Variants in MPPED2 observed in about 807,000 individuals in gnomAD.
MPPED2 encodes metallophosphoesterase MPPED2.
Under a neutral mutation model 33.0 loss-of-function variants are expected in MPPED2, and 5 were observed. The ratio of observed to expected loss-of-function variants is 0.15; its 90% CI spans 0.08 to 0.32. MPPED2 has a LOEUF of 0.32. Ranked by LOEUF, MPPED2 falls within the 10% of genes least tolerant of loss-of-function variation. The pLI, the probability that MPPED2 is intolerant of heterozygous loss-of-function variation, is 1.00. For missense variants in MPPED2, 275 were observed against 372.1 expected (o/e 0.74, Z 2.15); for synonymous variants, 136 against 141.9 (o/e 0.96, Z 0.29).
At chr11:30,404,862 C>T (rs1407583090) in intron 6 of MPPED2, among the ~76,000 whole-genome samples, 4 of 152,120 alleles carry the variant, frequency 2.6e-5, no homozygotes, top group Admixed American at 6.5e-5. Context: ...CTATTTTTCT[C>T]GCATACCTAG....
downstream of MPPED2, among the ~76,000 whole-genome samples, chr11:30,409,217 C>G (rs535739688): frequency 6.6e-6 from 1 of 152,168 alleles, no homozygotes; most frequent in Non-Finnish European, 1.5e-5. Context: ...GCTTCTAGTA[C>G]ACTAACCAGG....
intron 4 of MPPED2, chr11:30,451,633 T>G (rs913503050): frequency 2.2e-6 from 2 of 895,182 alleles, no homozygotes; most frequent in African/African-American, 3.6e-5. Context: ...GTTATTTTAA[T>G]GATAAAAGAA....
rs763252209 is a variant in MPPED2 at position 30,580,383 on chromosome 11, C to G, written c.-10G>C. 6.2e-7 allele frequency: 1 copy of G among 1,613,850 alleles called. No homozygotes were observed. Among genetic ancestry groups the G allele is most frequent in the Non-Finnish European group, 8.5e-7 (1 of 1,179,932 alleles). On this transcript the variant is annotated 5_prime_UTR_variant, in exon 2 of 7. Coordinates refer to ENST00000358117, the MANE Select transcript of MPPED2 (RefSeq NM_001584.3). ...GAATCCCATGTGCCATCCTTCCTCC[C>G]TATAGGCATGAGCAATTCACAACTT...
At chr11:30,548,556 C>T (rs567846033) in intron 2 of MPPED2, among the ~76,000 whole-genome samples, 7 of 152,210 alleles carry the variant, frequency 4.6e-5, no homozygotes, top group South Asian at 2.1e-4. Flanking sequence ...CAGTGCATAT[C>T]GAATGCTCAG....
chr11:30,585,417 C>G (rs1303644487), intron 1 of MPPED2, among the ~76,000 whole-genome samples: 1 of 151,898 alleles, frequency 6.6e-6, no homozygotes, highest in Non-Finnish European at 1.5e-5. Context: ...GGGGCGCAGC[C>G]GGAGCACAAA....
chr11:30,407,563 G>C (rs1478770769), downstream of MPPED2, among the ~76,000 whole-genome samples: 1 of 152,166 alleles, frequency 6.6e-6, no homozygotes, highest in Non-Finnish European at 1.5e-5. Flanking sequence ...CGAGGTTGGA[G>C]AGTCAACAGA....
intron 4 of MPPED2, among the ~76,000 whole-genome samples, chr11:30,420,722 G>A (rs537339647): frequency 2.0e-5 from 3 of 152,236 alleles, no homozygotes; most frequent in East Asian, 3.9e-4. Flanking sequence ...GAGGCCTGGG[G>A]ATAATGCCAG....
intron 5 of MPPED2, 58 bp from the exon 6 acceptor site, chr11:30,414,399 T>C: frequency 1.8e-6 from 2 of 1,129,244 alleles, no homozygotes; most frequent in Non-Finnish European, 2.7e-6. Context: ...AGGTTTCATT[T>C]AGACTTTCAG....
intron 3 of MPPED2, among the ~76,000 whole-genome samples, chr11:30,527,899 G>A (rs1489797714): frequency 1.3e-5 from 2 of 152,234 alleles, no homozygotes; most frequent in South Asian, 2.1e-4. Context: ...AAATGTCACA[G>A]CAGCAAATAA....
At chr11:30,584,385 A>T (rs1348956623) in intron 1 of MPPED2, among the ~76,000 whole-genome samples, 3 of 133,770 alleles carry the variant, frequency 2.2e-5, no homozygotes, top group African/African-American at 1.0e-4. Flanking sequence ...CACCACATAC[A>T]CTCGCCCTGC....
intron 4 of MPPED2, among the ~76,000 whole-genome samples, chr11:30,418,984 T>C (rs985187096): frequency 2.0e-5 from 3 of 152,214 alleles, no homozygotes; most frequent in African/African-American, 7.2e-5. Context: ...GAGAAGAGAC[T>C]GTGTAGCCCT....
At chr11:30,484,336 C>T (rs2134140862) in intron 4 of MPPED2, among the ~76,000 whole-genome samples, 1 of 152,204 alleles carries the variant, frequency 6.6e-6, no homozygotes, top group East Asian at 1.9e-4. Flanking sequence ...TTTCTTGCTA[C>T]AAATTTTATA....
chr11:30,489,052 C>CTTTTT (rs35619209), intron 4 of MPPED2, among the ~76,000 whole-genome samples: 1 of 141,186 alleles, frequency 7.1e-6, no homozygotes. Flanking sequence ...TCTTCTTCTC[C>CTTTTT]TTTTTTTTTT....
downstream of MPPED2, among the ~76,000 whole-genome samples, chr11:30,406,132 G>A (rs909261666): frequency 2.0e-5 from 3 of 152,160 alleles, no homozygotes; most frequent in Non-Finnish European, 2.9e-5. Context: ...GCAGGTGGAC[G>A]GGTTGAAGAA....
chr11:30,458,914 CTTTTTTTTTTTTTTT>C (rs71060450), intron 4 of MPPED2, among the ~76,000 whole-genome samples: 1 of 64,516 alleles, frequency 1.6e-5, no homozygotes, highest in Non-Finnish European at 3.0e-5. Flanking sequence ...TTGCACAGTT[CTTTTTTTTTTTTTTT>C]TTTTTTTTTT....
At chr11:30,458,075 G>C (rs1479293627) in intron 4 of MPPED2, among the ~76,000 whole-genome samples, 2 of 152,156 alleles carry the variant, frequency 1.3e-5, no homozygotes, top group Non-Finnish European at 2.9e-5. Context: ...GCTCTCATGT[G>C]GGCTCTTTCA....
intron 4 of MPPED2, among the ~76,000 whole-genome samples, chr11:30,489,011 G>A (rs1243524077): frequency 6.6e-5 from 10 of 151,332 alleles, no homozygotes; most frequent in Admixed American, 5.3e-4. Context: ...TGCTGAACAA[G>A]GAGCTGTTTC....
At chr11:30,564,728 C>T (rs546973314) in intron 2 of MPPED2, among the ~76,000 whole-genome samples, 1 of 152,258 alleles carries the variant, frequency 6.6e-6, no homozygotes, top group South Asian at 2.1e-4. Context: ...ATGTTAAACT[C>T]GACTACATGT....
chr11:30,469,372 A>T lies in MPPED2; in HGVS notation c.536+25924T>A, dbSNP rs182156981. Among the ~76,000 whole-genome samples, 4 of 152,308 alleles carry T rather than the reference A, an allele frequency of 2.6e-5. No homozygotes were observed. The East Asian group carries it at 7.7e-4, about 29-fold the overall frequency. On this transcript the variant is annotated intron_variant, in intron 4 of 6. Transcript: ENST00000358117. ...TCATTAAGCACTTACTAGATGACAG[A>T]CATGGTCCTAGAAAGTTTACATGTA...
Sources: allele counts gnomAD v4.1 joint callset (sites outside exome capture counted in the v4.1 genomes callset), GRCh38; gene constraint gnomAD v4.1.1; transcripts MANE v1.5; gene names NCBI Gene and HGNC (gene_info 2026-07-23, HGNC 2026-07-21).